Variants in TRPM6 observed in about 807,000 individuals in gnomAD.
TRPM6 encodes transient receptor potential cation channel subfamily M member 6.
TRPM6 carries 111 observed loss-of-function variants against 247.6 expected under a neutral mutation model. The observed-to-expected ratio is 0.45, with a 90% CI of 0.38 to 0.52. The LOEUF is 0.52. Among genes scored for constraint, TRPM6 ranks in the 20% least tolerant of loss-of-function variants. The probability of loss-of-function intolerance (pLI) is 0.00; values close to 1 mark genes in which losing one functional copy is unlikely to be tolerated. For missense variants in TRPM6, 2,126 were observed against 2,421.5 expected (o/e 0.88, Z 2.56); for synonymous variants, 892 against 853.8 (o/e 1.04, Z -0.78).
intron 36 of TRPM6, among the ~76,000 whole-genome samples, chr9:74,733,013 G>A (rs900450605): frequency 6.6e-6 from 1 of 152,034 alleles, no homozygotes; most frequent in Admixed American, 6.6e-5. Flanking sequence ...GGCCAACACG[G>A]TGAAATCCCA....
intron 27 of TRPM6, among the ~76,000 whole-genome samples, chr9:74,757,672 G>C (rs1342961753): frequency 1.3e-5 from 2 of 152,146 alleles, no homozygotes. Flanking sequence ...CCAGCACTCG[G>C]GAAACCGAGG....
At chr9:74,887,118 C>T (rs1299477818) in intron 1 of TRPM6, 8 of 599,478 alleles carry the variant, frequency 1.3e-5, no homozygotes, top group Non-Finnish European at 2.0e-5. Flanking sequence ...CCAGAACTTC[C>T]TGTTGCGCCA....
At chr9:74,836,992 A>T (rs779024610) in intron 5 of TRPM6, among the ~76,000 whole-genome samples, 1 of 152,178 alleles carries the variant, frequency 6.6e-6, no homozygotes, top group Admixed American at 6.5e-5. Flanking sequence ...TTGAATCTCA[A>T]CTATAACCCA....
At chr9:74,786,166 C>A (rs758453989) in intron 20 of TRPM6, 41 bp from the exon 21 acceptor site, 1 of 1,605,876 alleles carries the variant, frequency 6.2e-7, no homozygotes, top group Admixed American at 1.7e-5. Context: ...GGAGGTACAA[C>A]CAAAGAATCC....
chr9:74,823,815 C>A (rs1829217022), intron 7 of TRPM6, among the ~76,000 whole-genome samples: 1 of 152,100 alleles, frequency 6.6e-6, no homozygotes, highest in Admixed American at 6.5e-5. Context: ...AAATTATACT[C>A]ATTGACATGG....
At chr9:74,861,940 T>C (rs1310977092) in intron 1 of TRPM6, among the ~76,000 whole-genome samples, 1 of 152,052 alleles carries the variant, frequency 6.6e-6, no homozygotes, top group African/African-American at 2.4e-5. Context: ...CCTAACCCAA[T>C]GATTGTTGAA....
intron 1 of TRPM6, among the ~76,000 whole-genome samples, chr9:74,875,876 G>T (rs1831179415): frequency 6.6e-6 from 1 of 152,116 alleles, no homozygotes; most frequent in Non-Finnish European, 1.5e-5. Context: ...ACAGGCCAAG[G>T]ATCTGTAAAG....
chr9:74,851,394 GA>G (rs199638861), intron 3 of TRPM6, among the ~76,000 whole-genome samples: 158 of 150,362 alleles, frequency 1.1e-3, no homozygotes, highest in African/African-American at 3.4e-3. Flanking sequence ...AATTTAAAAA[GA>G]AAAAAAAATC....
At chr9:74,875,406 G>C (rs1831164203) in intron 1 of TRPM6, 1 of 334,822 alleles carries the variant, frequency 3.0e-6, no homozygotes, top group East Asian at 9.0e-5. Context: ...AGCCAGACGT[G>C]GTGGCGCACG....
rs1378823703 is a variant in TRPM6, at chr9:74,766,910, C to CA, written c.3537-3777dup. On this transcript the variant is annotated intron_variant, in intron 25 of 38. Transcript: ENST00000360774. ...AGGCAACAAGAGCGAAACTCCGTCT[C>CA]AAAAAAAAAGAGAGGTTAGGTCACA... Among the ~76,000 whole-genome samples, 5 of 150,308 alleles carry CA rather than the reference C, an allele frequency of 3.3e-5. 1 individual carries two copies. Among genetic ancestry groups the CA allele is most frequent in the East Asian group, 2.0e-4 (1 of 5,120 alleles).
chr9:74,788,777 G>A (rs1827787227), intron 19 of TRPM6, 35 bp from the exon 20 acceptor site: 2 of 1,611,144 alleles, frequency 1.2e-6, no homozygotes, highest in South Asian at 2.2e-5. Flanking sequence ...AGATGTGAGT[G>A]AGAGCAAGCA....
chr9:74,825,544 A>G (rs1829304160), intron 7 of TRPM6, among the ~76,000 whole-genome samples: 1 of 151,932 alleles, frequency 6.6e-6, no homozygotes, highest in Admixed American at 6.6e-5. Context: ...TCTCCTTAGA[A>G]TAATAAATGT....
At position 74,732,550 on chromosome 9, in the gene TRPM6, G is replaced by T. The variant is rs7868982; in HGVS notation, c.5828+135C>A. ...GCTTTTTTATAATCTTATTGTTTTT[G>T]GTCTATATACATAAGCTACCTAAAA... On this transcript the variant is annotated intron_variant, in intron 37 of 38. Coordinates refer to ENST00000360774, the MANE Select transcript of TRPM6 (RefSeq NM_017662.5). The T allele has an allele frequency of 1.5e-3, 911 of 606,060 alleles. 4 individuals carry two copies. In the African/African-American group the frequency reaches 0.015, roughly 10 times the overall value. The allele number at this position is 606,060 out of a possible 1,614,324, so 37.5% of individuals were successfully genotyped here.
At chr9:74,782,944 A>T in intron 21 of TRPM6, 91 bp from the exon 22 acceptor site, 1 of 1,211,476 alleles carries the variant, frequency 8.3e-7, no homozygotes, top group African/African-American at 1.5e-5. Context: ...CTATACCTGC[A>T]AATAATAAGA....
At chr9:74,790,891 A>T (rs1170562284) in intron 19 of TRPM6, among the ~76,000 whole-genome samples, 1 of 152,232 alleles carries the variant, frequency 6.6e-6, no homozygotes, top group African/African-American at 2.4e-5. Context: ...TCTTTAGTCC[A>T]AAGTGGCATC....
chr9:74,736,479 G>T (rs1825697313), intron 36 of TRPM6, among the ~76,000 whole-genome samples: 1 of 152,160 alleles, frequency 6.6e-6, no homozygotes, highest in African/African-American at 2.4e-5. Context: ...TTTCCAACAT[G>T]GTTTGGATTA....
chr9:74,725,638 C>T (rs569378142), intron 38 of TRPM6, among the ~76,000 whole-genome samples: 18 of 151,932 alleles, frequency 1.2e-4, no homozygotes, highest in East Asian at 3.9e-4. Flanking sequence ...GTTTTAAAAA[C>T]GAGAGTTTCC....
At chr9:74,851,713 C>T (rs943973882) in intron 3 of TRPM6, among the ~76,000 whole-genome samples, 5 of 148,622 alleles carry the variant, frequency 3.4e-5, no homozygotes, top group Admixed American at 6.8e-5. Flanking sequence ...TGCGCCACTG[C>T]GCTCCAGCTT....
chr9:74,745,060 C>T (rs980929352), intron 31 of TRPM6, among the ~76,000 whole-genome samples: 2 of 152,196 alleles, frequency 1.3e-5, no homozygotes, highest in African/African-American at 4.8e-5. Context: ...GTGGTTCCCA[C>T]CCTACCGAAA....
Sources: gnomAD v4.1 joint callset for allele counts (sites outside exome capture counted in the v4.1 genomes callset) on GRCh38, gnomAD v4.1.1 for gene constraint, MANE v1.5 for transcripts, NCBI Gene and HGNC (gene_info 2026-07-23, HGNC 2026-07-21) for gene names.